Variants in TIAM1 observed in about 807,000 individuals in gnomAD.
TIAM1 encodes TIAM Rac1 associated GEF 1, also known as rho guanine nucleotide exchange factor TIAM1.
Under a neutral mutation model 163.5 loss-of-function variants are expected in TIAM1, and 65 were observed. That is an observed-to-expected ratio of 0.40 (90% CI 0.33 to 0.49). TIAM1 has a LOEUF of 0.49. Ranked by LOEUF, TIAM1 falls within the 20% of genes least tolerant of loss-of-function variation. The pLI, the probability that TIAM1 is intolerant of heterozygous loss-of-function variation, is 0.77. For missense variants in TIAM1, 1,789 were observed against 2,044.7 expected, an observed-to-expected ratio of 0.87 and a Z score of 2.41; for synonymous variants, 833 against 810.1, an observed-to-expected ratio of 1.03 and a Z score of -0.48.
chr21:31,154,221 G>A (rs1159355999), intron 17 of TIAM1, 26 bp downstream of exon 17: 4 of 1,608,826 alleles, frequency 2.5e-6, no homozygotes, highest in Middle Eastern at 1.7e-4. Flanking sequence ...GCAGAGGGAG[G>A]GCAGGGGGAG....
Position 31,544,904 on chromosome 21 carries a change from T to G in TIAM1, c.-422+14023A>C, listed in dbSNP as rs2048439070. ...AGCATGCGCCTGTATTCCCAGCTTCTGGGGAGGCTGAGGCAGGAGAATGGC... is the reference window on the plus strand; with the variant it reads ...AGCATGCGCCTGTATTCCCAGCTTCGGGGGAGGCTGAGGCAGGAGAATGGC... On this transcript the variant is annotated intron_variant, in intron 1 of 28. Transcript: ENST00000286827. Among the ~76,000 whole-genome samples the G allele has an allele frequency of 1.3e-5, 2 of 151,904 alleles. 1 individual carries two copies. Among genetic ancestry groups the G allele is most frequent in the South Asian group, 4.2e-4 (2 of 4,812 alleles).
chr21:31,248,178 A>T (rs1206739623), intron 5 of TIAM1, among the ~76,000 whole-genome samples: 1 of 152,232 alleles, frequency 6.6e-6, no homozygotes, highest in Non-Finnish European at 1.5e-5. Context: ...TGAAAAGTAG[A>T]TTCCTAACAT....
intron 6 of TIAM1, 116 bp from the exon 7 acceptor site, chr21:31,226,066 C>T (rs2087953449): frequency 3.6e-6 from 3 of 827,150 alleles, no homozygotes; most frequent in Non-Finnish European, 5.6e-6. Context: ...GGTCTAGACA[C>T]CCATGGATAA....
rs2085342179 is a variant in TIAM1, at chr21:31,187,154, G to A, written c.2576-67C>T. On this transcript the variant is annotated intron_variant, in intron 13 of 27. Transcript: ENST00000541036. ...CTGAATGTTTAGCAAACAACAGGAAGTGCCTGCTGTGAACTAGGTATGTTT... is the reference window on the plus strand; with the variant it reads ...CTGAATGTTTAGCAAACAACAGGAAATGCCTGCTGTGAACTAGGTATGTTT... 4.3e-6 allele frequency: 6 copies of A among 1,411,030 alleles called. No homozygotes were observed. The East Asian group carries it at 1.1e-4, about 27-fold the overall frequency. 87.4% of individuals were successfully genotyped at this position (1,411,030 alleles called of 1,614,324 possible). A position where few individuals can be genotyped will look rare whatever the true frequency, so the allele number is the denominator to read the frequency against.
intron 2 of TIAM1, chr21:31,453,064 A>G (rs948598282): frequency 5.1e-6 from 2 of 392,782 alleles, no homozygotes; most frequent in African/African-American, 4.2e-5. Flanking sequence ...TATCTGGGAG[A>G]TATATTGGAT....
chr21:31,322,984 C>T (rs1180182380), intron 2 of TIAM1, among the ~76,000 whole-genome samples: 1 of 152,120 alleles, frequency 6.6e-6, no homozygotes, highest in Non-Finnish European at 1.5e-5. Flanking sequence ...CAGGGCTCCA[C>T]AGCCAAAGTA....
Position 31,266,909 on chromosome 21 carries a change from C to G in TIAM1, c.64G>C (p.Gly22Arg). Residue 22 changes from glycine (G) to arginine (R), a missense_variant, in exon 4 of 28, where the codon GGG (glycine) becomes CGG (arginine). Physicochemically the swap from Gly to Arg is moderately radical, Grantham distance 125. Around this residue, in one of 5 missense-constraint regions of TIAM1, gnomAD observed 555 missense variants for 564.9 expected, o/e 0.98. Transcript: ENST00000541036. ...EFYGEKHASLGRKHTSRSLRL... is the reference protein window; with the variant it reads ...EFYGEKHASLRRKHTSRSLRL... ...AGGGAGCGGGAAGTGTGCTTGCGCCCCAGGCTGGCATGCTTTTCTCCATAA... is the reference window on the plus strand; with the variant it reads ...AGGGAGCGGGAAGTGTGCTTGCGCCGCAGGCTGGCATGCTTTTCTCCATAA... 1.2e-6 allele frequency: 2 copies of G among 1,612,328 alleles called. No homozygotes were observed. Among genetic ancestry groups the G allele is most frequent in the Non-Finnish European group, 1.7e-6 (2 of 1,178,694 alleles).
At chr21:31,268,486 G>A (rs2072901626) in intron 3 of TIAM1, among the ~76,000 whole-genome samples, 1 of 152,292 alleles carries the variant, frequency 6.6e-6, no homozygotes, top group Admixed American at 6.5e-5. Context: ...AAAATTTGTG[G>A]CAACACAAAG....
intron 2 of TIAM1, among the ~76,000 whole-genome samples, chr21:31,336,788 C>T (rs2075856016): frequency 6.6e-6 from 1 of 152,088 alleles, no homozygotes; most frequent in Non-Finnish European, 1.5e-5. Context: ...AGGAGGTGGA[C>T]TTGAACTGAC....
At chr21:31,473,909 A>G (rs1299565275) in intron 1 of TIAM1, among the ~76,000 whole-genome samples, 1 of 152,198 alleles carries the variant, frequency 6.6e-6, no homozygotes, top group Non-Finnish European at 1.5e-5. Context: ...GAGACTGGGT[A>G]ACTTACAAAG....
chr21:31,262,778 C>T (rs906163179), intron 4 of TIAM1, among the ~76,000 whole-genome samples: 2 of 152,100 alleles, frequency 1.3e-5, no homozygotes, highest in Non-Finnish European at 2.9e-5. Flanking sequence ...AGAGGTCATG[C>T]TCTTGGGTCA....
chr21:31,403,923 C>T (rs868739290), intron 2 of TIAM1, among the ~76,000 whole-genome samples: 12 of 152,126 alleles, frequency 7.9e-5, no homozygotes, highest in Non-Finnish European at 1.5e-4. Flanking sequence ...AATTGGAAGT[C>T]TCAGCAAAGC....
intron 2 of TIAM1, among the ~76,000 whole-genome samples, chr21:31,460,702 T>C (rs1376153563): frequency 6.6e-6 from 1 of 152,204 alleles, no homozygotes; most frequent in African/African-American, 2.4e-5. Context: ...AGGTCCTTCA[T>C]CCACCCAAAC....
At chr21:31,265,663 A>T (rs1385615017) in intron 4 of TIAM1, among the ~76,000 whole-genome samples, 1 of 152,212 alleles carries the variant, frequency 6.6e-6, no homozygotes, top group Non-Finnish European at 1.5e-5. Flanking sequence ...CTGTTTTTCC[A>T]CGGGAAGGAC....
At chr21:31,162,597 C>A (rs1416870711) in intron 16 of TIAM1, among the ~76,000 whole-genome samples, 2 of 151,944 alleles carry the variant, frequency 1.3e-5, no homozygotes, top group African/African-American at 2.4e-5. Flanking sequence ...CAGTCTACTG[C>A]ATGATCTTTA....
chr21:31,338,153 G>A (rs1291254243), intron 2 of TIAM1, among the ~76,000 whole-genome samples: 3 of 152,178 alleles, frequency 2.0e-5, no homozygotes, highest in African/African-American at 4.8e-5. Flanking sequence ...GAGTGGCTAC[G>A]CTGCTGTGCG....
intron 2 of TIAM1, among the ~76,000 whole-genome samples, chr21:31,443,562 C>G (rs750566948): frequency 1.3e-5 from 2 of 152,160 alleles, no homozygotes; most frequent in African/African-American, 4.8e-5. Context: ...TTGAAGCCCT[C>G]CTTGACCATC....
rs201318212 is a variant in TIAM1 at position 31,195,316 on chromosome 21, C to T, written c.2494-11G>A. ...AATTTCTTTGTACAGCTGAAAGTTACAAAGGGGAATCTAATTAGAATTTCA... is the reference window on the plus strand; with the variant it reads ...AATTTCTTTGTACAGCTGAAAGTTATAAAGGGGAATCTAATTAGAATTTCA... On this transcript the variant is annotated splice_polypyrimidine_tract_variant and intron_variant, in intron 12 of 27. Transcript: ENST00000541036. 6.3e-7 allele frequency: 1 copy of T among 1,587,218 alleles called. No individual in the cohort carries two copies. Among genetic ancestry groups the T allele is most frequent in the African/African-American group, 1.3e-5 (1 of 74,144 alleles).
At chr21:31,399,494 T>C (rs1405672064) in intron 2 of TIAM1, among the ~76,000 whole-genome samples, 1 of 152,222 alleles carries the variant, frequency 6.6e-6, no homozygotes, top group Non-Finnish European at 1.5e-5. Flanking sequence ...GAATGAATTG[T>C]ATGCATCCAC....
Sources: allele counts gnomAD v4.1 joint callset (sites outside exome capture counted in the v4.1 genomes callset), GRCh38; gene constraint gnomAD v4.1.1; regional missense constraint gnomAD v4.1.1; transcripts MANE v1.5; gene names NCBI Gene and HGNC (gene_info 2026-07-23, HGNC 2026-07-21).